The following CDKL2 variants were observed in gnomAD, a reference collection of about 807,000 sequenced individuals.
The protein encoded by CDKL2 is cyclin-dependent kinase-like 2.
A neutral mutation model predicts 63.9 loss-of-function variants in CDKL2; 64 were observed. The observed-to-expected ratio is 1.00, with a 90% CI of 0.82 to 1.23. The LOEUF (loss-of-function observed/expected upper bound fraction) is 1.23. Among genes scored for constraint, CDKL2 ranks in the 50% most tolerant of loss-of-function variants. The pLI is 0.00. For synonymous variants in CDKL2, 211 were observed against 229.2 expected (o/e 0.92, Z 0.72); for missense variants, 656 against 668.0 (o/e 0.98, Z 0.20).
At chr4:75,582,208 A>C (rs1185667004) in intron 12 of CDKL2, among the ~76,000 whole-genome samples, 3 of 152,222 alleles carry the variant, frequency 2.0e-5, no homozygotes, top group African/African-American at 7.2e-5. Context: ...AAAATACAAA[A>C]ACAGAAACCT....
At chr4:75,620,030 A>T (rs1017247375) in intron 2 of CDKL2, among the ~76,000 whole-genome samples, 8 of 152,182 alleles carry the variant, frequency 5.3e-5, no homozygotes, top group South Asian at 2.1e-4. Context: ...ACAAAAAATT[A>T]AAAAAATTAG....
chr4:75,576,702 T>A lies in CDKL2; in HGVS notation c.*2500A>T, dbSNP rs921353429. 2.2e-4 allele frequency among the ~76,000 whole-genome samples: 34 copies of A among 152,280 alleles called. No homozygotes were observed. Among genetic ancestry groups the A allele is most frequent in the Middle Eastern group, 3.4e-3 (1 of 294 alleles). ...TATAGAGGAGGACTTAGAAAACAAA[T>A]CGATCACATTTTTCAGTCTAGTCTG... On this transcript the variant is annotated 3_prime_UTR_variant, in exon 14 of 14. Transcript: ENST00000307465.
At chr4:75,598,029 T>A (rs773049339) in intron 8 of CDKL2, 48 bp downstream of exon 8, 11 of 1,219,622 alleles carry the variant, frequency 9.0e-6, no homozygotes, top group Middle Eastern at 2.8e-4. Context: ...TCAAAAAATT[T>A]AAAAAAATAA....
chr4:75,605,754 A>T, intron 4 of CDKL2, 120 bp from the exon 5 acceptor site: 2 of 622,236 alleles, frequency 3.2e-6, no homozygotes, highest in Non-Finnish European at 5.8e-6. Flanking sequence ...CAGATTTCAG[A>T]TTCTCAGATT....
chr4:75,593,614 C>A (rs1728798938), intron 10 of CDKL2, among the ~76,000 whole-genome samples: 1 of 152,124 alleles, frequency 6.6e-6, no homozygotes, highest in African/African-American at 2.4e-5. Context: ...GATATCAGTT[C>A]TGGCAAAATG....
At chr4:75,599,134 G>A (rs1729064914) in intron 7 of CDKL2, among the ~76,000 whole-genome samples, 1 of 152,090 alleles carries the variant, frequency 6.6e-6, no homozygotes, top group African/African-American at 2.4e-5. Flanking sequence ...AATGACTAAA[G>A]CATGATATTA....
At chr4:75,603,596 G>C (rs1268243446) in intron 6 of CDKL2, among the ~76,000 whole-genome samples, 2 of 151,144 alleles carry the variant, frequency 1.3e-5, no homozygotes, top group African/African-American at 4.9e-5. Context: ...CAGGCATGGT[G>C]GCGAGCGCCT....
chr4:75,609,654 T>TTA (rs1291698881), intron 3 of CDKL2, among the ~76,000 whole-genome samples: 4 of 147,550 alleles, frequency 2.7e-5, no homozygotes, highest in Non-Finnish European at 4.5e-5. Flanking sequence ...ATATGATATA[T>TTA]TATATATATA....
chr4:75,620,038 T>G (rs1398685612), intron 2 of CDKL2, among the ~76,000 whole-genome samples: 1 of 151,894 alleles, frequency 6.6e-6, no homozygotes, highest in African/African-American at 2.4e-5. Context: ...TTAAAAAAAT[T>G]AGCTGGGCAT....
At chr4:75,606,215 A>AT (rs1317315987) in intron 4 of CDKL2, among the ~76,000 whole-genome samples, 1 of 57,844 alleles carries the variant, frequency 1.7e-5, no homozygotes, top group African/African-American at 6.0e-5. Context: ...TGATAGGGAT[A>AT]ATTTTTTTTT....
intron 6 of CDKL2, among the ~76,000 whole-genome samples, chr4:75,603,314 T>C (rs1304161171): frequency 2.0e-5 from 3 of 151,972 alleles, no homozygotes; most frequent in Non-Finnish European, 4.4e-5. Flanking sequence ...AATGGTTTCT[T>C]AATGAGTGTT....
At chr4:75,600,913 A>G (rs1285135678) in intron 6 of CDKL2, among the ~76,000 whole-genome samples, 2 of 152,346 alleles carry the variant, frequency 1.3e-5, no homozygotes, top group East Asian at 3.8e-4. Context: ...AGTTTTGCCA[A>G]AAAATCAACC....
At chr4:75,618,222 G>T (rs954171583) in intron 2 of CDKL2, among the ~76,000 whole-genome samples, 2 of 142,672 alleles carry the variant, frequency 1.4e-5, no homozygotes, top group African/African-American at 5.2e-5. Flanking sequence ...CTCAGACCAG[G>T]CCTCCAATTG....
chr4:75,624,915 A>G (rs1730334792), intron 2 of CDKL2, among the ~76,000 whole-genome samples: 1 of 152,250 alleles, frequency 6.6e-6, no homozygotes, highest in Non-Finnish European at 1.5e-5. Flanking sequence ...CATAATAACA[A>G]AAGATTTAAC....
At chr4:75,628,241 G>A (rs1730522971) in intron 1 of CDKL2, among the ~76,000 whole-genome samples, 1 of 150,638 alleles carries the variant, frequency 6.6e-6, no homozygotes, top group African/African-American at 2.4e-5. Flanking sequence ...TCAACCTCTC[G>A]AGTAGCTGGG....
intron 2 of CDKL2, 74 bp from the exon 3 acceptor site, chr4:75,614,523 T>C: frequency 1.1e-6 from 1 of 870,872 alleles, no homozygotes; most frequent in Non-Finnish European, 1.7e-6. Flanking sequence ...ATCAAATTAT[T>C]AGCAATTAAT....
chr4:75,582,310 G>T (rs1164557316), intron 12 of CDKL2, among the ~76,000 whole-genome samples: 1 of 152,170 alleles, frequency 6.6e-6, no homozygotes, highest in Admixed American at 6.5e-5. Flanking sequence ...TGAAGGGATA[G>T]GAATTCTTAG....
chr4:75,584,447 C>T lies in CDKL2; in HGVS notation c.1648-2549G>A, dbSNP rs181585025. On this transcript the variant is annotated intron_variant, in intron 12 of 13. Coordinates refer to ENST00000307465, the MANE Select transcript of CDKL2 (RefSeq NM_001330724.2). Reference sequence around the variant, plus strand: ...TGGAAATGGTTTCTCCCCAATGCCTCCAGAAAATAATGCAGCCCTGCAGAC... The same window carrying T: ...TGGAAATGGTTTCTCCCCAATGCCTTCAGAAAATAATGCAGCCCTGCAGAC... Among the ~76,000 whole-genome samples the T allele has an allele frequency of 1.5e-3, 228 of 152,266 alleles. 1 individual carries two copies. The highest frequency in any genetic ancestry group is 5.4e-3 in the African/African-American group (224 of 41,566).
chr4:75,595,971 A>C, intron 10 of CDKL2: 1 of 195,270 alleles, frequency 5.1e-6, no homozygotes, highest in Non-Finnish European at 8.8e-6. Context: ...GAAGGAAGGA[A>C]GGAAAGAAGG....
Sources: allele counts gnomAD v4.1 joint callset (sites outside exome capture counted in the v4.1 genomes callset), GRCh38; gene constraint gnomAD v4.1.1; transcripts MANE v1.5; gene names NCBI Gene and HGNC (gene_info 2026-07-23, HGNC 2026-07-21).